IGF1R: variants seen among roughly 807,000 people sequenced by gnomAD.
The protein encoded by IGF1R is insulin-like growth factor 1 receptor.
Under a neutral mutation model 144.6 loss-of-function variants are expected in IGF1R, and 44 were observed. That is an observed-to-expected ratio of 0.30 (90% CI 0.24 to 0.39). IGF1R has a LOEUF of 0.39. Ranked by LOEUF, IGF1R falls within the 10% of genes least tolerant of loss-of-function variation. The probability of loss-of-function intolerance (pLI) is 1.00; values close to 1 mark genes in which losing one functional copy is unlikely to be tolerated. For missense variants in IGF1R, 1,355 were observed against 1,833.7 expected (o/e 0.74, Z 4.77); for synonymous variants, 795 against 722.8 (o/e 1.10, Z -1.60).
chr15:98,925,741 T>C (rs1438720235), intron 13 of IGF1R, among the ~76,000 whole-genome samples: 1 of 152,162 alleles, frequency 6.6e-6, no homozygotes, highest in African/African-American at 2.4e-5. Context: ...CCGTCTCTAC[T>C]AAAAATAAAA....
chr15:98,813,194 C>T (rs988749397), intron 2 of IGF1R, among the ~76,000 whole-genome samples: 12 of 152,236 alleles, frequency 7.9e-5, no homozygotes, highest in Admixed American at 5.2e-4. Flanking sequence ...GACCAGCCCC[C>T]CTAGGGTTAG....
chr15:98,964,395 G>C lies in IGF1R; in HGVS notation c.*6953G>C, dbSNP rs1344479521. 8.7e-6 allele frequency: 2 copies of C among 230,060 alleles called. No individual in the cohort carries two copies. Among genetic ancestry groups the C allele is most frequent in the Non-Finnish European group, 1.7e-5 (2 of 115,998 alleles). 14.3% of individuals were successfully genotyped at this position (230,060 alleles called of 1,614,324 possible). A position where few individuals can be genotyped will look rare whatever the true frequency, so the allele number is the denominator to read the frequency against. ...TATTCCTGTTATTGCGATATACTCT[G>C]GATTCTTTACATAATGGAAAAAAGA... On this transcript the variant is annotated 3_prime_UTR_variant, in exon 21 of 21. Coordinates refer to ENST00000650285, the MANE Select transcript of IGF1R (RefSeq NM_000875.5).
At position 98,807,256 on chromosome 15, in the gene IGF1R, G is replaced by A. The variant is rs563552739; in HGVS notation, c.641-84069G>A. Among the ~76,000 whole-genome samples, 5 of 152,284 alleles carry A rather than the reference G, an allele frequency of 3.3e-5. No homozygotes were observed. The South Asian group carries it at 6.2e-4, about 19-fold the overall frequency. On this transcript the variant is annotated intron_variant, in intron 2 of 20. Transcript: ENST00000650285. The stretch of plus-strand genomic sequence containing the variant: ...GTAAAGCTCAGATTCCTGTAAGTAG[G>A]GCGCTGAGCACAGGCTGCATCCTGG...
At chr15:98,882,545 T>C (rs1313422524) in intron 2 of IGF1R, among the ~76,000 whole-genome samples, 1 of 152,238 alleles carries the variant, frequency 6.6e-6, no homozygotes, top group Non-Finnish European at 1.5e-5. Flanking sequence ...TGCTTGTTGC[T>C]TGTAAACTGG....
chr15:98,868,609 T>C (rs984223722), intron 2 of IGF1R, among the ~76,000 whole-genome samples: 1 of 152,106 alleles, frequency 6.6e-6, no homozygotes, highest in African/African-American at 2.4e-5. Context: ...GACCCTGAAG[T>C]CAGGTCGCCC....
intron 2 of IGF1R, among the ~76,000 whole-genome samples, chr15:98,852,793 C>T (rs374323233): frequency 8.5e-5 from 13 of 152,180 alleles, no homozygotes; most frequent in Non-Finnish European, 1.6e-4. Context: ...GTGGCCATTA[C>T]GGGCTGCTGT....
In IGF1R at chr15:98,728,016, T is replaced by G. The variant is rs886738112; in HGVS notation, c.640+19909T>G. On this transcript the variant is annotated intron_variant, in intron 2 of 20. Coordinates refer to ENST00000650285, the MANE Select transcript of IGF1R (RefSeq NM_000875.5). ...TCACTGAAGATGCATTGTTTTTTTT[T>G]TTTTTTTTTTTTTAAGCGAGCAGCA... 1.4e-3 allele frequency among the ~76,000 whole-genome samples: 215 copies of G among 149,848 alleles called. 1 individual carries two copies. Among genetic ancestry groups the G allele is most frequent in the African/African-American group, 5.0e-3 (204 of 41,030 alleles).
At chr15:98,841,034 T>G (rs2141530722) in intron 2 of IGF1R, among the ~76,000 whole-genome samples, 1 of 152,216 alleles carries the variant, frequency 6.6e-6, no homozygotes, top group African/African-American at 2.4e-5. Flanking sequence ...GTGCTGGAAT[T>G]ACAGGCGTGA....
At chr15:98,756,699 C>T (rs937749438) in intron 2 of IGF1R, among the ~76,000 whole-genome samples, 6 of 151,856 alleles carry the variant, frequency 4.0e-5, no homozygotes, top group African/African-American at 1.5e-4. Flanking sequence ...AGTTGAATGC[C>T]TGTCTCATTT....
At chr15:98,692,003 G>C (rs1224691667) in intron 1 of IGF1R, among the ~76,000 whole-genome samples, 2 of 152,106 alleles carry the variant, frequency 1.3e-5, no homozygotes, top group African/African-American at 2.4e-5. Flanking sequence ...TATTAGATTG[G>C]TAATTTTTTT....
chr15:98,868,029 C>T (rs778574133), intron 2 of IGF1R, among the ~76,000 whole-genome samples: 8 of 152,206 alleles, frequency 5.3e-5, no homozygotes, highest in Non-Finnish European at 1.0e-4. Flanking sequence ...GACGAAACCC[C>T]GTCTCTGCTA....
intron 2 of IGF1R, among the ~76,000 whole-genome samples, chr15:98,776,279 G>A (rs1311157762): frequency 6.6e-6 from 1 of 151,774 alleles, no homozygotes; most frequent in Non-Finnish European, 1.5e-5. Flanking sequence ...CCGCCTCCCG[G>A]GTTCCAGCAA....
At position 98,935,267 on chromosome 15, in the gene IGF1R, G is replaced by T; in HGVS notation, c.3187-49G>T. On this transcript the variant is annotated intron_variant, in intron 16 of 20. Transcript: ENST00000650285. This position sits in a 1 kb window ranked among gnomAD's most constrained non-coding sequence, Gnocchi z 4.2. ...ACAGTTCCAGACAACACAGGCATCA[G>T]CAAGGGCCACCTGACCCTCTGAGTC... 8.6e-7 allele frequency: 1 copy of T among 1,166,600 alleles called. No individual in the cohort carries two copies. The highest frequency in any genetic ancestry group is 1.2e-6 in the Non-Finnish European group (1 of 864,752). 72.3% of individuals were successfully genotyped at this position (1,166,600 alleles called of 1,614,324 possible).
chr15:98,667,883 C>G (rs1010280752), intron 1 of IGF1R, among the ~76,000 whole-genome samples: 1 of 151,926 alleles, frequency 6.6e-6, no homozygotes, highest in Non-Finnish European at 1.5e-5. Flanking sequence ...TTTGCCTGGT[C>G]GTCAGGCAGG....
intron 2 of IGF1R, among the ~76,000 whole-genome samples, chr15:98,828,969 T>C (rs924101341): frequency 2.6e-5 from 4 of 152,122 alleles, no homozygotes; most frequent in African/African-American, 4.8e-5. Flanking sequence ...TTTCAAGCCC[T>C]CCGAAGCACT....
chr15:98,802,664 T>A (rs1475325999), intron 2 of IGF1R, among the ~76,000 whole-genome samples: 2 of 152,262 alleles, frequency 1.3e-5, no homozygotes, highest in Non-Finnish European at 2.9e-5. Context: ...CGTGCAAACA[T>A]CTACCTGTGC....
At chr15:98,686,129 T>G (rs540484852) in intron 1 of IGF1R, among the ~76,000 whole-genome samples, 26 of 152,374 alleles carry the variant, frequency 1.7e-4, no homozygotes, top group Admixed American at 3.3e-4. Context: ...AGTGGACTCG[T>G]ACACTATTTG....
At chr15:98,710,187 C>G (rs1046734341) in intron 2 of IGF1R, among the ~76,000 whole-genome samples, 1 of 152,140 alleles carries the variant, frequency 6.6e-6, no homozygotes, top group Non-Finnish European at 1.5e-5. Context: ...GGTTGGTCAC[C>G]TGCTTCCCCA....
intron 2 of IGF1R, among the ~76,000 whole-genome samples, chr15:98,851,845 T>C (rs982077421): frequency 1.3e-5 from 2 of 152,196 alleles, no homozygotes; most frequent in African/African-American, 4.8e-5. Context: ...TCATGTTTCT[T>C]TTTATGCCTG....
Sources: gnomAD v4.1 joint callset for allele counts (sites outside exome capture counted in the v4.1 genomes callset) on GRCh38, gnomAD v4.1.1 for gene constraint, Gnocchi (gnomAD v3.1) non-coding constraint, MANE v1.5 for transcripts, NCBI Gene and HGNC (gene_info 2026-07-23, HGNC 2026-07-21) for gene names.